Variants in DAB2 observed in about 807,000 individuals in gnomAD.
DAB2 encodes the protein disabled homolog 2.
Under a neutral mutation model 71.6 loss-of-function variants are expected in DAB2, and 28 were observed. That is an observed-to-expected ratio of 0.39 (90% confidence interval 0.29 to 0.54). The LOEUF (loss-of-function observed/expected upper bound fraction) is 0.54, where lower values mean the gene tolerates loss of function less well. Ranked by LOEUF, DAB2 falls within the 20% of genes least tolerant of loss-of-function variation. DAB2 has a pLI of 0.68. For synonymous variants in DAB2, 345 were observed against 339.7 expected (o/e 1.02, Z -0.17); for missense variants, 867 against 928.8 (o/e 0.93, Z 0.86).
chr5:39,424,642 C>G (rs1331013501), intron 1 of DAB2, among the ~76,000 whole-genome samples, 162 bp downstream of exon 1: 3 of 150,642 alleles, frequency 2.0e-5, no homozygotes, highest in African/African-American at 7.4e-5. Context: ...GCTGGTTTCC[C>G]CAAGCACAGG....
At chr5:39,419,648 G>T (rs11739328) in intron 1 of DAB2, among the ~76,000 whole-genome samples, 28,567 of 152,094 alleles carry the variant, frequency 0.19, 3,531 homozygotes, top group Non-Finnish European at 0.27. Flanking sequence ...AAACCATCTG[G>T]TTCAAGGGTA....
At chr5:39,391,810 A>G (rs1182410219) in intron 4 of DAB2, among the ~76,000 whole-genome samples, 1 of 152,120 alleles carries the variant, frequency 6.6e-6, no homozygotes, top group Non-Finnish European at 1.5e-5. Context: ...TACATCTGTG[A>G]GGTGAGAAGG....
intron 1 of DAB2, among the ~76,000 whole-genome samples, chr5:39,399,526 G>T (rs78127103): frequency 0.028 from 4,195 of 152,300 alleles, 89 homozygotes; most frequent in South Asian, 0.086. Context: ...TCTGCTATAT[G>T]AATAAAATTA....
Position 39,393,382 on chromosome 5 carries a change from T to C in DAB2, c.103A>G (p.Thr35Ala). 1 of 1,613,974 alleles carries C rather than the reference T, an allele frequency of 6.2e-7. No individual in the cohort carries two copies. Among genetic ancestry groups the C allele is most frequent in the Non-Finnish European group, 8.5e-7 (1 of 1,179,950 alleles). ...AACCTTGCTAAGAGATATTCATCTG[T>C]CTTTTCAGGGCCTGAGAAAAGAAAG... ...KKEKKKGPEK[T>A]DEYLLARFKG... Residue 35 changes from threonine to alanine, a missense_variant, in exon 3 of 15, where the codon ACA becomes GCA. Physicochemically the swap from Thr to Ala is moderately conservative, Grantham distance 58 (BLOSUM62 0). Transcript: ENST00000320816.
At chr5:39,375,399 G>A (rs564135288) in intron 13 of DAB2, among the ~76,000 whole-genome samples, 2 of 152,212 alleles carry the variant, frequency 1.3e-5, no homozygotes, top group Admixed American at 6.5e-5. Context: ...ACAGTATTTT[G>A]GCTCAATTTT....
chr5:39,403,423 G>C (rs781268654), intron 1 of DAB2, among the ~76,000 whole-genome samples: 1 of 152,108 alleles, frequency 6.6e-6, no homozygotes, highest in Admixed American at 6.5e-5. Context: ...CTTCCATTTA[G>C]CAGATATACC....
rs1754841865 is a variant in DAB2, at chr5:39,376,801, C to T, written c.1986G>A (p.Gln662=). The T allele has an allele frequency of 6.2e-7, 1 of 1,614,154 alleles. No individual in the cohort carries two copies. The change falls in exon 12 of 15, where the codon CAG becomes CAA. Residue 662 remains glutamine, a synonymous_variant. Transcript: ENST00000320816. ...CCTTCCGCGCGGGCACAGCAGGTGG[C>T]TGCCGCAGTTGGAAATCCTTAAACA... The part of the protein sequence containing the change: ...KEMFKDFQLR[Q]PPAVPARKGE...
At chr5:39,376,368 G>A (rs1561364189) in intron 12 of DAB2, among the ~76,000 whole-genome samples, 1 of 152,124 alleles carries the variant, frequency 6.6e-6, no homozygotes, top group African/African-American at 2.4e-5. Flanking sequence ...TTATTACACA[G>A]CCCTCCAAGA....
rs67066752 is a variant in DAB2 at position 39,389,709 on chromosome 5, G to A, written c.543+143C>T. The A allele has an allele frequency of 0.014, 7,418 of 527,460 alleles. 85 individuals carry two copies. Among genetic ancestry groups the A allele is most frequent in the South Asian group, 0.03 (1,383 of 45,576 alleles). 32.7% of individuals were successfully genotyped at this position (527,460 alleles called of 1,614,324 possible). On this transcript the variant is annotated intron_variant, in intron 6 of 14. Coordinates refer to ENST00000320816, the MANE Select transcript of DAB2 (RefSeq NM_001343.4). ...GTAGTTTTAGTAGTGATGAGGTTTC[G>A]CCATGTTGGCCAGGCTGGTCTCGAA...
intron 1 of DAB2, among the ~76,000 whole-genome samples, chr5:39,410,199 G>T (rs929159747): frequency 6.6e-6 from 1 of 152,108 alleles, no homozygotes; most frequent in Non-Finnish European, 1.5e-5. Context: ...TATGTCATCA[G>T]CTAACAGTTT....
chr5:39,381,153 G>T (rs1754971560), intron 11 of DAB2, among the ~76,000 whole-genome samples: 2 of 152,180 alleles, frequency 1.3e-5, no homozygotes, highest in Non-Finnish European at 2.9e-5. Context: ...TACTGAAGCT[G>T]GTCTGAGTTT....
chr5:39,405,735 C>T lies in DAB2; in HGVS notation c.-101-11314G>A, dbSNP rs867465649. Reference sequence around the variant, plus strand: ...TCTTTCCTTATATGGTATGTCTTTCCTTATGTGCTGTTCTCCATTTTGTAC... The same window carrying T: ...TCTTTCCTTATATGGTATGTCTTTCTTTATGTGCTGTTCTCCATTTTGTAC... On this transcript the variant is annotated intron_variant, in intron 1 of 14. Transcript: ENST00000320816. Among the ~76,000 whole-genome samples, 10 of 152,174 alleles carry T rather than the reference C, an allele frequency of 6.6e-5. 1 individual carries two copies. The highest frequency in any genetic ancestry group is 1.9e-4 in the African/African-American group (8 of 41,430).
At chr5:39,405,814 C>T (rs73080518) in intron 1 of DAB2, among the ~76,000 whole-genome samples, 178 of 152,254 alleles carry the variant, frequency 1.2e-3, no homozygotes, top group African/African-American at 4.1e-3. Context: ...ATGACTACAA[C>T]CTTGAGCCCA....
At chr5:39,386,372 G>C (rs1755100302) in intron 9 of DAB2, among the ~76,000 whole-genome samples, 1 of 152,092 alleles carries the variant, frequency 6.6e-6, no homozygotes, top group African/African-American at 2.4e-5. Flanking sequence ...ACATATTTCA[G>C]AGCAATTGTT....
At chr5:39,401,518 G>T (rs2548170) in intron 1 of DAB2, among the ~76,000 whole-genome samples, 33,946 of 151,970 alleles carry the variant, frequency 0.22, 3,898 homozygotes, top group Admixed American at 0.29. Flanking sequence ...ACCCACCCAG[G>T]ATTCATCATT....
intron 1 of DAB2, among the ~76,000 whole-genome samples, chr5:39,406,559 G>C (rs1755614426): frequency 6.6e-6 from 1 of 152,194 alleles, no homozygotes; most frequent in African/African-American, 2.4e-5. Context: ...GAGACCCCAA[G>C]ACCAGGAAGG....
Position 39,383,049 on chromosome 5 carries a change from C to T in DAB2, c.910G>A (p.Asp304Asn), listed in dbSNP as rs747544480. Residue 304 changes from aspartate to asparagine, a missense_variant, in exon 10 of 15, where the codon GAC becomes AAC. Physicochemically the swap from Asp to Asn is conservative, Grantham distance 23. Coordinates refer to ENST00000320816, the MANE Select transcript of DAB2 (RefSeq NM_001343.4). ...TCAAACGAAGAAGGTGTCGATTGGT[C>T]TGGCTGTGTGAAAGGATCGTCACGG... Reference protein sequence around the residue: ...PFRDDPFTQPDQSTPSSFDSL... With the variant: ...PFRDDPFTQPNQSTPSSFDSL... 2 of 1,613,916 alleles carry T rather than the reference C, an allele frequency of 1.2e-6. No individual in the cohort carries two copies. The highest frequency in any genetic ancestry group is 3.3e-5 in the Admixed American group (2 of 60,000).
At chr5:39,387,261 G>A in intron 9 of DAB2, among the ~76,000 whole-genome samples, 1 of 152,052 alleles carries the variant, frequency 6.6e-6, no homozygotes. Flanking sequence ...GGTCACATAG[G>A]CTTCCATGAT....
intron 1 of DAB2, among the ~76,000 whole-genome samples, chr5:39,413,035 C>T (rs997297195): frequency 6.6e-6 from 1 of 151,940 alleles, no homozygotes; most frequent in Non-Finnish European, 1.5e-5. Flanking sequence ...TTAGGGTGGG[C>T]GATAGCACTC....
Sources: gnomAD v4.1 joint callset for allele counts (sites outside exome capture counted in the v4.1 genomes callset) on GRCh38, gnomAD v4.1.1 for gene constraint, MANE v1.5 for transcripts, NCBI Gene and HGNC (gene_info 2026-07-23, HGNC 2026-07-21) for gene names.